ATRX: variants seen among roughly 807,000 people sequenced by gnomAD.
ATRX encodes ATRX chromatin remodeler.
A neutral mutation model predicts 172.6 loss-of-function variants in ATRX; 12 were observed. The ratio of observed to expected loss-of-function variants is 0.07; its 90% confidence interval spans 0.04 to 0.11. The LOEUF is 0.11. Ranked by LOEUF, ATRX falls within the 10% of genes least tolerant of loss-of-function variation. ATRX has a pLI of 1.00. For synonymous variants in ATRX, 674 were observed against 594.7 expected (o/e 1.13, Z -1.94); for missense variants, 1,368 against 1,767.4 (o/e 0.77, Z 4.05).
At chrX:77,666,021 T>C (rs1557125993) in intron 10 of ATRX, among the ~76,000 whole-genome samples, 2 of 540 alleles carry the variant, frequency 3.7e-3, no homozygotes, top group Admixed American at 0.053. Flanking sequence ...AAATTTTATT[T>C]GACAGATTGT....
At chrX:77,750,516 A>G (rs375439577) in intron 1 of ATRX, among the ~76,000 whole-genome samples, 6 of 110,996 alleles carry the variant, frequency 5.4e-5, no homozygotes, top group Non-Finnish European at 9.5e-5. Flanking sequence ...AGTAACTTCC[A>G]TATCTTTTTT....
intron 15 of ATRX, 40 bp downstream of exon 15, chrX:77,652,074 G>C (rs2148434553): frequency 8.4e-7 from 1 of 1,196,434 alleles, no homozygotes; most frequent in Non-Finnish European, 1.1e-6. Flanking sequence ...GCAAGACCCT[G>C]TAGCTACAAA....
At chrX:77,621,845 AAAAAACAAC>A (rs1447330429) in intron 19 of ATRX, among the ~76,000 whole-genome samples, 1 of 109,084 alleles carries the variant, frequency 9.2e-6, no homozygotes, top group Non-Finnish European at 1.9e-5. Flanking sequence ...AAATAGTAAA[AAAAAACAAC>A]AACAACAACA....
intron 22 of ATRX, among the ~76,000 whole-genome samples, chrX:77,611,788 A>G (rs1044462719): frequency 1.8e-5 from 2 of 111,838 alleles, no homozygotes; most frequent in Admixed American, 1.9e-4. Flanking sequence ...ACCACAAAGA[A>G]ATGACAAGTG....
chrX:77,515,118 T>A (rs1360500411), intron 34 of ATRX, among the ~76,000 whole-genome samples: 3 of 111,617 alleles, frequency 2.7e-5, no homozygotes, highest in Non-Finnish European at 5.7e-5. Flanking sequence ...GGTGAGGTTG[T>A]AGAGAAAAAG....
intron 25 of ATRX, among the ~76,000 whole-genome samples, chrX:77,598,300 A>C (rs1557085059): frequency 9.0e-6 from 1 of 110,815 alleles, no homozygotes; most frequent in East Asian, 2.8e-4. Flanking sequence ...GGAGAGAGAA[A>C]GGGGGCAAAG....
chrX:77,718,030 T>C (rs2073536281), intron 1 of ATRX, among the ~76,000 whole-genome samples: 1 of 111,527 alleles, frequency 9.0e-6, no homozygotes, highest in Non-Finnish European at 1.9e-5. Flanking sequence ...CTCTCACTTA[T>C]ATATAGCTTA....
At chrX:77,736,501 C>T (rs2074574987) in intron 1 of ATRX, among the ~76,000 whole-genome samples, 1 of 112,237 alleles carries the variant, frequency 8.9e-6, no homozygotes, top group Non-Finnish European at 1.9e-5. Context: ...AAATGCAAAT[C>T]AAAGCTACCA....
chrX:77,762,505 A>C (rs190137026), intron 1 of ATRX, among the ~76,000 whole-genome samples: 53 of 110,986 alleles, frequency 4.8e-4, no homozygotes, highest in African/African-American at 1.6e-3. Flanking sequence ...AATGGGAAGC[A>C]CTGGAACCAT....
intron 19 of ATRX, 54 bp from the exon 20 acceptor site, chrX:77,620,586 G>T: frequency 9.5e-7 from 1 of 1,052,078 alleles, no homozygotes; most frequent in Non-Finnish European, 1.3e-6. Context: ...AACTGAAAAT[G>T]TGATCCATTT....
chrX:77,748,609 T>C (rs2075178757), intron 1 of ATRX, among the ~76,000 whole-genome samples: 1 of 109,841 alleles, frequency 9.1e-6, no homozygotes, highest in African/African-American at 3.3e-5. Context: ...TTTTTGGAGA[T>C]GGAGTCTCGC....
At chrX:77,535,431 T>A (rs1391824157) in intron 30 of ATRX, among the ~76,000 whole-genome samples, 1 of 112,065 alleles carries the variant, frequency 8.9e-6, no homozygotes, top group African/African-American at 3.2e-5. Flanking sequence ...AGATACTATA[T>A]TTAGCAATTT....
chrX:77,700,335 C>A (rs1207152220), intron 2 of ATRX, among the ~76,000 whole-genome samples: 1 of 111,965 alleles, frequency 8.9e-6, no homozygotes, highest in Non-Finnish European at 1.9e-5. Context: ...CTGACTACAT[C>A]AAAACTGCTG....
intron 1 of ATRX, among the ~76,000 whole-genome samples, chrX:77,734,533 T>C (rs1027962094): frequency 4.5e-5 from 5 of 112,340 alleles, no homozygotes; most frequent in Non-Finnish European, 9.4e-5. Flanking sequence ...ATGCCTGTAA[T>C]CCCAGCACTT....
At chrX:77,616,502 A>G in intron 22 of ATRX, 111 bp downstream of exon 22, 1 of 1,180,596 alleles carries the variant, frequency 8.5e-7, no homozygotes, top group African/African-American at 1.7e-5. Context: ...CATTTTATTC[A>G]AATGCAAAAC....
At chrX:77,779,372 G>A (rs1369680261) in intron 1 of ATRX, among the ~76,000 whole-genome samples, 2 of 110,247 alleles carry the variant, frequency 1.8e-5, no homozygotes, top group Non-Finnish European at 3.8e-5. Context: ...AAAACTAATC[G>A]TGTACATGTC....
rs1470875825 is a variant in ATRX, at chrX:77,507,035, A to G, written c.*1316T>C. 4 of 168,905 alleles carry G rather than the reference A, an allele frequency of 2.4e-5. No individual in the cohort carries two copies. The highest frequency in any genetic ancestry group is 3.3e-5 in the Non-Finnish European group (3 of 89,771). 13.9% of individuals were successfully genotyped at this position (168,905 alleles called of 1,213,427 possible). A position where few individuals can be genotyped will look rare whatever the true frequency, so the allele number is the denominator to read the frequency against. ...AATGTTTTCTTTAACAATTCAAGTA[A>G]CCAAAATTGTACATGAATAAATTTA... is the stretch of plus-strand genomic sequence containing the variant. On this transcript the variant is annotated 3_prime_UTR_variant, in exon 35 of 35. Coordinates refer to ENST00000373344, the MANE Select transcript of ATRX (RefSeq NM_000489.6).
chrX:77,711,470 A>C (rs1321640555), intron 2 of ATRX, among the ~76,000 whole-genome samples: 1 of 112,765 alleles, frequency 8.9e-6, no homozygotes, highest in African/African-American at 3.2e-5. Context: ...AAGAATCTAC[A>C]AGAGGGGGAA....
At position 77,764,122 on chromosome X, in the gene ATRX, G is replaced by C. The variant is rs782617306; in HGVS notation, c.20+21860C>G. 7.2e-5 allele frequency among the ~76,000 whole-genome samples: 8 copies of C among 111,046 alleles called. No homozygotes were observed. In the East Asian group the frequency reaches 2.3e-3, roughly 32 times the overall value. On this transcript the variant is annotated intron_variant, in intron 1 of 34. Transcript: ENST00000373344. The stretch of plus-strand genomic sequence containing the variant: ...GAGTGAGACCCTGTCTCAAAAAAAA[G>C]AGTTAAATATATAGAGAATGTTTTA...
Sources: gnomAD v4.1 joint callset for allele counts (sites outside exome capture counted in the v4.1 genomes callset) on GRCh38, gnomAD v4.1.1 for gene constraint, MANE v1.5 for transcripts, NCBI Gene and HGNC (gene_info 2026-07-23, HGNC 2026-07-21) for gene names.